Variants in TRIM33 observed in about 807,000 individuals in gnomAD.
The protein encoded by TRIM33 is E3 ubiquitin-protein ligase TRIM33.
A neutral mutation model predicts 125.4 loss-of-function variants in TRIM33; 20 were observed. The observed-to-expected ratio is 0.16, with a 90% CI of 0.11 to 0.23. The LOEUF (loss-of-function observed/expected upper bound fraction) is 0.23, where lower values mean the gene tolerates loss of function less well. TRIM33 is among the 10% of genes least tolerant of loss of function. The probability of loss-of-function intolerance (pLI) is 1.00; values close to 1 mark genes in which losing one functional copy is unlikely to be tolerated. For missense variants in TRIM33, 920 were observed against 1,411.4 expected, an observed-to-expected ratio of 0.65 and a Z score of 5.58; for synonymous variants, 564 against 513.9, an observed-to-expected ratio of 1.10 and a Z score of -1.32.
chr1:114,457,005 T>C (rs1649667027), intron 4 of TRIM33, among the ~76,000 whole-genome samples: 2 of 152,132 alleles, frequency 1.3e-5, no homozygotes, highest in Admixed American at 1.3e-4. Context: ...TATACTGCTG[T>C]AGCCACCTAC....
At chr1:114,440,602 A>G (rs1648593324) in intron 4 of TRIM33, among the ~76,000 whole-genome samples, 1 of 152,192 alleles carries the variant, frequency 6.6e-6, no homozygotes, top group African/African-American at 2.4e-5. Flanking sequence ...TTTGCTATCT[A>G]AAAATAAAGT....
chr1:114,458,218 C>A (rs1168250649), intron 4 of TRIM33, among the ~76,000 whole-genome samples: 1 of 152,162 alleles, frequency 6.6e-6, no homozygotes, highest in Non-Finnish European at 1.5e-5. Flanking sequence ...ACAGTAGGAG[C>A]CTAAATTCTG....
At chr1:114,404,055 C>T (rs1465577310) in intron 15 of TRIM33, among the ~76,000 whole-genome samples, 1 of 152,206 alleles carries the variant, frequency 6.6e-6, no homozygotes, top group African/African-American at 2.4e-5. Flanking sequence ...CACTCCCTCT[C>T]TCTATATAAA....
intron 1 of TRIM33, among the ~76,000 whole-genome samples, chr1:114,465,862 A>G (rs1447965149): frequency 2.6e-5 from 4 of 151,970 alleles, no homozygotes; most frequent in Non-Finnish European, 5.9e-5. Flanking sequence ...TAACATGGTG[A>G]AACCCCGTCT....
intron 4 of TRIM33, among the ~76,000 whole-genome samples, chr1:114,447,174 G>T (rs1342883226): frequency 6.6e-6 from 1 of 152,158 alleles, no homozygotes; most frequent in Non-Finnish European, 1.5e-5. Context: ...AAGAATAAAT[G>T]GAAGAGAGGT....
intron 1 of TRIM33, among the ~76,000 whole-genome samples, chr1:114,497,195 C>A (rs1466282516): frequency 6.6e-6 from 1 of 152,208 alleles, no homozygotes; most frequent in Non-Finnish European, 1.5e-5. Flanking sequence ...GTCACAACTA[C>A]TCAATTTTCC....
intron 1 of TRIM33, among the ~76,000 whole-genome samples, chr1:114,510,067 A>C (rs1653246847): frequency 6.6e-6 from 1 of 151,166 alleles, no homozygotes; most frequent in East Asian, 1.9e-4. Context: ...TATTCTCTCC[A>C]CCTCCATTTA....
intron 11 of TRIM33, among the ~76,000 whole-genome samples, chr1:114,418,373 C>A (rs549625016): frequency 1.3e-5 from 2 of 152,356 alleles, no homozygotes; most frequent in Non-Finnish European, 2.9e-5. Context: ...TGCAAAAATT[C>A]TATCAGTGAA....
chr1:114,409,556 G>C (rs1197664213), intron 12 of TRIM33, among the ~76,000 whole-genome samples: 1 of 152,158 alleles, frequency 6.6e-6, no homozygotes, highest in African/African-American at 2.4e-5. Flanking sequence ...TTAAACCCAT[G>C]AAAGACTGTG....
In TRIM33 at chr1:114,485,900, T is replaced by G. The variant is rs1181803038; in HGVS notation, c.527-21512A>C. ...TAACTGACAAAAGACAATCAGTACA[T>G]GCCCAAACCAAGATGATCAGATATC... On this transcript the variant is annotated intron_variant, in intron 1 of 19. Transcript: ENST00000358465. Among the ~76,000 whole-genome samples, 4 of 152,174 alleles carry G rather than the reference T, an allele frequency of 2.6e-5. No homozygotes were observed. The East Asian group carries it at 7.7e-4, about 29-fold the overall frequency.
chr1:114,461,309 T>TATTTTAC (rs1649983702), intron 4 of TRIM33, among the ~76,000 whole-genome samples: 1 of 146,542 alleles, frequency 6.8e-6, no homozygotes. Context: ...TTATATTTTA[T>TATTTTAC]ATTTTATATA....
At chr1:114,502,514 TTTTG>T (rs1291011863) in intron 1 of TRIM33, among the ~76,000 whole-genome samples, 12 of 152,166 alleles carry the variant, frequency 7.9e-5, no homozygotes, top group African/African-American at 2.4e-4. Context: ...TTATTACTAG[TTTTG>T]TTTGTTTTCT....
intron 1 of TRIM33, among the ~76,000 whole-genome samples, chr1:114,470,991 G>A (rs1219835560): frequency 6.6e-6 from 1 of 152,134 alleles, no homozygotes; most frequent in Non-Finnish European, 1.5e-5. Flanking sequence ...TAAAGACAGG[G>A]TCTCATATTG....
At chr1:114,406,832 T>A (rs1487030318) in intron 14 of TRIM33, 109 bp downstream of exon 14, 1 of 1,118,438 alleles carries the variant, frequency 8.9e-7, no homozygotes, top group African/African-American at 1.6e-5. Flanking sequence ...GCATGAAATT[T>A]CAAAAATAAA....
At chr1:114,489,580 CA>C (rs1009563757) in intron 1 of TRIM33, among the ~76,000 whole-genome samples, 2 of 148,780 alleles carry the variant, frequency 1.3e-5, no homozygotes, top group Non-Finnish European at 1.5e-5. Context: ...CCTGTCTCTA[CA>C]AAAAAAAATA....
In TRIM33 at chr1:114,425,562, G is replaced by A. The variant is rs763400962; in HGVS notation, c.1582C>T (p.His528Tyr). The A allele has an allele frequency of 6.2e-7, 1 of 1,614,124 alleles. No homozygotes were observed. Among genetic ancestry groups the A allele is most frequent in the South Asian group, 1.1e-5 (1 of 91,078 alleles). ...HMQQQVYAQKHQQLQQMRMQQ... is the reference protein window; with the variant it reads ...HMQQQVYAQKYQQLQQMRMQQ... ...ATCCTCATCTGTTGCAACTGCTGATGTTTCTGTGCATATACTTGTTGTTGC... is the reference window on the plus strand; with the variant it reads ...ATCCTCATCTGTTGCAACTGCTGATATTTCTGTGCATATACTTGTTGTTGC... Residue 528 changes from histidine to tyrosine, a missense_variant, in exon 9 of 20, where the codon CAT (histidine) becomes TAT (tyrosine). Coordinates refer to ENST00000358465, the MANE Select transcript of TRIM33 (RefSeq NM_015906.4).
At position 114,510,513 on chromosome 1, in the gene TRIM33, C is replaced by T. The variant is rs571745149; in HGVS notation, c.526+38G>A. ...CAGCTCCTCTAGGGTTGCGCAAATC[C>T]CTTGCGGCCCAGATGCCAGGCAGGG... On this transcript the variant is annotated intron_variant, in intron 1 of 19. Transcript: ENST00000358465. 20 of 1,442,358 alleles carry T rather than the reference C, an allele frequency of 1.4e-5. No homozygotes were observed. In the African/African-American group the frequency reaches 2.2e-4, roughly 16 times the overall value. 89.3% of individuals were successfully genotyped at this position (1,442,358 alleles called of 1,614,324 possible).
At chr1:114,443,830 C>T (rs751420786) in intron 4 of TRIM33, among the ~76,000 whole-genome samples, 5 of 150,788 alleles carry the variant, frequency 3.3e-5, no homozygotes, top group Admixed American at 6.6e-5. Flanking sequence ...GCCAGGAGTT[C>T]GAGACCAGCC....
At chr1:114,398,526 CTAA>C (rs1238491961) in intron 18 of TRIM33, among the ~76,000 whole-genome samples, 1 of 152,032 alleles carries the variant, frequency 6.6e-6, no homozygotes, top group African/African-American at 2.4e-5. Context: ...TGAGATTTTA[CTAA>C]TATACTCTGT....
Sources: allele counts gnomAD v4.1 joint callset (sites outside exome capture counted in the v4.1 genomes callset), GRCh38; gene constraint gnomAD v4.1.1; transcripts MANE v1.5; gene names NCBI Gene and HGNC (gene_info 2026-07-23, HGNC 2026-07-21).